The following IGFBP7 variants were observed in gnomAD, a reference collection of about 807,000 sequenced individuals.
The protein encoded by IGFBP7 is insulin-like growth factor-binding protein 7.
Under a neutral mutation model 29.4 loss-of-function variants are expected in IGFBP7, and 31 were observed. That is an observed-to-expected ratio of 1.05 (90% CI 0.79 to 1.42). The LOEUF (loss-of-function observed/expected upper bound fraction) is 1.42, where lower values mean the gene tolerates loss of function less well. Among genes scored for constraint, IGFBP7 ranks in the 40% most tolerant of loss-of-function variants. The pLI, the probability that IGFBP7 is intolerant of heterozygous loss-of-function variation, is 0.00. For synonymous variants in IGFBP7, 172 were observed against 174.9 expected (o/e 0.98, Z 0.13); for missense variants, 393 against 395.5 (o/e 0.99, Z 0.05).
At chr4:57,039,134 G>A (rs1452973083) in intron 2 of IGFBP7, among the ~76,000 whole-genome samples, 1 of 150,870 alleles carries the variant, frequency 6.6e-6, no homozygotes, top group East Asian at 1.9e-4. Flanking sequence ...GTTAGTTGAT[G>A]GCAAATAAGT....
chr4:57,096,566 G>C (rs934339265), intron 1 of IGFBP7, among the ~76,000 whole-genome samples: 1 of 152,108 alleles, frequency 6.6e-6, no homozygotes, highest in Non-Finnish European at 1.5e-5. Context: ...CTGATGTACA[G>C]CCAAGGTGAA....
chr4:57,110,355 G>A lies in IGFBP7; in HGVS notation c.-4C>T. The stretch of plus-strand genomic sequence containing the variant: ...CGCGCAGCGACGGCCGCTCCATGGC[G>A]GGGTGCGGTGGCAGCGGCAAGGGCG... On this transcript the variant is annotated 5_prime_UTR_variant, in exon 1 of 5. Coordinates refer to ENST00000295666, the MANE Select transcript of IGFBP7 (RefSeq NM_001553.3). 41 of 1,346,458 alleles carry A rather than the reference G, an allele frequency of 3.0e-5. 1 individual carries two copies. Among genetic ancestry groups the A allele is most frequent in the Non-Finnish European group, 3.9e-5 (41 of 1,049,328 alleles). 83.4% of individuals were successfully genotyped at this position (1,346,458 alleles called of 1,614,324 possible).
chr4:57,105,222 G>A lies in IGFBP7; in HGVS notation c.475+4655C>T, dbSNP rs1472815370. ...CTCACTTAATACTGCTCATTCATCT[G>A]GAGTCTCTAACCTATTTCTCCGATG... On this transcript the variant is annotated intron_variant, in intron 1 of 4. Coordinates refer to ENST00000295666, the MANE Select transcript of IGFBP7 (RefSeq NM_001553.3). Among the ~76,000 whole-genome samples, 8 of 152,242 alleles carry A rather than the reference G, an allele frequency of 5.3e-5. No homozygotes were observed. In the South Asian group the frequency reaches 8.3e-4, roughly 16 times the overall value.
intron 1 of IGFBP7, among the ~76,000 whole-genome samples, chr4:57,063,991 G>T (rs1422458289): frequency 6.6e-6 from 1 of 152,178 alleles, no homozygotes; most frequent in Admixed American, 6.5e-5. Flanking sequence ...AAAATTGGAG[G>T]TTAAGTGGTC....
intron 1 of IGFBP7, among the ~76,000 whole-genome samples, chr4:57,078,524 C>T (rs929910689): frequency 6.6e-6 from 1 of 152,104 alleles, no homozygotes; most frequent in Non-Finnish European, 1.5e-5. Context: ...CCACTGTTTG[C>T]CTTCAGTCTC....
chr4:57,087,800 A>C (rs1725532912), intron 1 of IGFBP7, among the ~76,000 whole-genome samples: 2 of 152,200 alleles, frequency 1.3e-5, no homozygotes, highest in Admixed American at 6.5e-5. Context: ...TCCATTTCAC[A>C]GGTGAGACAA....
intron 1 of IGFBP7, among the ~76,000 whole-genome samples, chr4:57,052,361 G>A (rs1002402244): frequency 5.9e-5 from 9 of 152,164 alleles, no homozygotes; most frequent in Non-Finnish European, 1.3e-4. Flanking sequence ...GAAGGGGAAA[G>A]GGTGGACTTG....
chr4:57,067,723 T>A (rs1578629275), intron 1 of IGFBP7, among the ~76,000 whole-genome samples: 1 of 152,106 alleles, frequency 6.6e-6, no homozygotes, highest in East Asian at 1.9e-4. Context: ...GTGAGTGAGA[T>A]TAAAATGACC....
At chr4:57,036,925 T>C (rs1427542725) in intron 2 of IGFBP7, among the ~76,000 whole-genome samples, 1 of 152,220 alleles carries the variant, frequency 6.6e-6, no homozygotes, top group Non-Finnish European at 1.5e-5. Context: ...TTTGTATTCT[T>C]AACAGTCTGG....
intron 1 of IGFBP7, among the ~76,000 whole-genome samples, chr4:57,085,868 T>G (rs1174755476): frequency 2.6e-5 from 4 of 152,240 alleles, no homozygotes; most frequent in African/African-American, 9.6e-5. Context: ...TTTGTTTCCC[T>G]CCTTCACTTT....
In IGFBP7 at chr4:57,031,216, G is replaced by T; in HGVS notation, c.*101C>A. ...TGTAAAACCAGTGAATATAACTAAA[G>T]TGTTAGTGGATTGGATTAAAAGAAA... On this transcript the variant is annotated 3_prime_UTR_variant, in exon 5 of 5. Transcript: ENST00000295666. 1 of 974,754 alleles carries T rather than the reference G, an allele frequency of 1.0e-6. No homozygotes were observed. Among genetic ancestry groups the T allele is most frequent in the South Asian group, 1.4e-5 (1 of 72,982 alleles). The allele number at this position is 974,754 out of a possible 1,614,324, so 60.4% of individuals were successfully genotyped here.
chr4:57,050,987 A>G (rs772001619), intron 1 of IGFBP7, among the ~76,000 whole-genome samples: 7 of 152,178 alleles, frequency 4.6e-5, no homozygotes, highest in Non-Finnish European at 8.8e-5. Context: ...GTGCATTAAT[A>G]CCAAATAAGG....
chr4:57,077,380 C>T (rs1180650992), intron 1 of IGFBP7, among the ~76,000 whole-genome samples: 6 of 152,192 alleles, frequency 3.9e-5, no homozygotes, highest in African/African-American at 9.6e-5. Flanking sequence ...CGGGTTCAAG[C>T]GATTCTCCTG....
At chr4:57,056,174 T>C (rs905691351) in intron 1 of IGFBP7, among the ~76,000 whole-genome samples, 4 of 152,150 alleles carry the variant, frequency 2.6e-5, no homozygotes, top group African/African-American at 9.7e-5. Flanking sequence ...TTTTGTGATG[T>C]CTAGAGACTG....
At chr4:57,042,994 A>T (rs1724268284) in intron 1 of IGFBP7, among the ~76,000 whole-genome samples, 1 of 152,240 alleles carries the variant, frequency 6.6e-6, no homozygotes, top group Admixed American at 6.5e-5. Context: ...GCTCTGAAAC[A>T]CAAAACTGTG....
At chr4:57,039,145 GTTTTC>G (rs1724159196) in intron 2 of IGFBP7, among the ~76,000 whole-genome samples, 1 of 150,494 alleles carries the variant, frequency 6.6e-6, no homozygotes, top group Non-Finnish European at 1.5e-5. Flanking sequence ...GCAAATAAGT[GTTTTC>G]TTTTCCCTTC....
intron 1 of IGFBP7, among the ~76,000 whole-genome samples, chr4:57,071,101 T>A (rs1725042523): frequency 6.6e-6 from 1 of 152,172 alleles, no homozygotes; most frequent in African/African-American, 2.4e-5. Context: ...CTAGAAGAAG[T>A]GTGTGAATCT....
chr4:57,105,144 G>T (rs1725992319), intron 1 of IGFBP7, among the ~76,000 whole-genome samples: 2 of 152,194 alleles, frequency 1.3e-5, no homozygotes, highest in African/African-American at 4.8e-5. Context: ...CCAAGGCCTT[G>T]CTGTTCCCTT....
At chr4:57,087,696 C>T (rs1725530588) in intron 1 of IGFBP7, among the ~76,000 whole-genome samples, 1 of 152,226 alleles carries the variant, frequency 6.6e-6, no homozygotes, top group South Asian at 2.1e-4. Flanking sequence ...ATCTTGGATT[C>T]ATAAAGGCCT....
Sources: gnomAD v4.1 joint callset for allele counts (sites outside exome capture counted in the v4.1 genomes callset) on GRCh38, gnomAD v4.1.1 for gene constraint, MANE v1.5 for transcripts, NCBI Gene and HGNC (gene_info 2026-07-23, HGNC 2026-07-21) for gene names.